The following KMT2D variants were observed in gnomAD, a reference collection of about 807,000 sequenced individuals.
KMT2D encodes the protein lysine methyltransferase 2D.
In KMT2D, 55 loss-of-function variants were observed where a neutral mutation model predicts 512.7. The ratio of observed to expected loss-of-function variants is 0.11; its 90% CI spans 0.09 to 0.13. The LOEUF (loss-of-function observed/expected upper bound fraction) is 0.13, where lower values mean the gene tolerates loss of function less well. Ranked by LOEUF, KMT2D falls within the 10% of genes least tolerant of loss-of-function variation. The pLI, the probability that KMT2D is intolerant of heterozygous loss-of-function variation, is 1.00. For missense variants in KMT2D, 6,061 were observed against 7,127.9 expected (o/e 0.85, Z 5.39); for synonymous variants, 2,995 against 2,904.0 (o/e 1.03, Z -1.01).
Position 49,038,371 on chromosome 12 carries a change from G to A in KMT2D, c.8985C>T (p.Asp2995=), listed in dbSNP as rs576463499. The A allele has an allele frequency of 4.4e-5, 71 of 1,613,828 alleles. 1 individual carries two copies. In the South Asian group the frequency reaches 6.5e-4, roughly 15 times the overall value. The change falls in exon 35 of 55, where the codon GAC becomes GAT. Residue 2995 remains aspartate, a synonymous_variant. Transcript: ENST00000301067. The surrounding 1 kb of genome is among the most constrained non-coding windows in gnomAD (Gnocchi z 5.7). The part of the protein sequence containing the change: ...KLPCEDPELD[D]DFDAHKALED... ...CTAGGGCCTTGTGGGCATCAAAATC[G>A]TCATCCAGCTCGGGATCCTCACAGG... is the stretch of plus-strand genomic sequence containing the variant.
chr12:49,027,411 G>T, intron 48 of KMT2D, 89 bp from the exon 49 acceptor site: 1 of 1,060,310 alleles, frequency 9.4e-7, no homozygotes, highest in Non-Finnish European at 1.3e-6. Context: ...CCTCCCAAAA[G>T]GCCTCCACAT....
Position 49,024,508 on chromosome 12 carries a change from C to T in KMT2D, c.16052+70G>A. The T allele has an allele frequency of 1.3e-6, 2 of 1,528,712 alleles. No homozygotes were observed. The highest frequency in any genetic ancestry group is 1.8e-6 in the Non-Finnish European group (2 of 1,137,286). The allele number at this position is 1,528,712 out of a possible 1,614,324, so 94.7% of individuals were successfully genotyped here. A position where few individuals can be genotyped will look rare whatever the true frequency, so the allele number is the denominator to read the frequency against. On this transcript the variant is annotated intron_variant, in intron 51 of 54. Coordinates refer to ENST00000301067, the MANE Select transcript of KMT2D (RefSeq NM_003482.4). This position sits in a 1 kb window ranked among gnomAD's most constrained non-coding sequence, Gnocchi z 4.5. ...AACTCTGATCTGTATCCTAAATCCT[C>T]ATAATGGGACCAGAGGATCCCTGTC...
chr12:49,055,518 T>C (rs1417407301), intron 1 of KMT2D, among the ~76,000 whole-genome samples, 157 bp from the exon 2 acceptor site: 3 of 152,196 alleles, frequency 2.0e-5, no homozygotes, highest in African/African-American at 7.2e-5. Flanking sequence ...CTCCCTAACC[T>C]GTAGGGTCAC....
rs1406785826 is a variant in KMT2D, at chr12:49,042,344, G to A, written c.5868-14C>T. On this transcript the variant is annotated splice_polypyrimidine_tract_variant and intron_variant, in intron 28 of 54. Transcript: ENST00000301067. This position sits in a 1 kb window ranked among gnomAD's most constrained non-coding sequence, Gnocchi z 4.4. ...CCCCCGCGCTCCCTGGGGCGCAGGG[G>A]CAGAGAGTCACAGGGCGCAGGGATG... 1 of 1,514,958 alleles carries A rather than the reference G, an allele frequency of 6.6e-7. No homozygotes were observed. The highest frequency in any genetic ancestry group is 8.8e-7 in the Non-Finnish European group (1 of 1,131,040). 93.8% of individuals were successfully genotyped at this position (1,514,958 alleles called of 1,614,324 possible).
rs1182609159 is a variant in KMT2D, at chr12:49,024,027, G to C, written c.16052+551C>G. 1 of 451,868 alleles carries C rather than the reference G, an allele frequency of 2.2e-6. No individual in the cohort carries two copies. Among genetic ancestry groups the C allele is most frequent in the East Asian group, 7.0e-5 (1 of 14,360 alleles). 28.0% of individuals were successfully genotyped at this position (451,868 alleles called of 1,614,324 possible). On this transcript the variant is annotated intron_variant, in intron 51 of 54. Transcript: ENST00000301067. The surrounding 1 kb of genome is among the most constrained non-coding windows in gnomAD (Gnocchi z 4.5). ...TCTCAGTTTTCTCAGCTGTAAAATG[G>C]GGGTCATACCACCTGCCCTACCTAC...
chr12:49,040,832 C>T lies in KMT2D; in HGVS notation c.6938G>A (p.Gly2313Asp), dbSNP rs1943480564. 1.2e-6 allele frequency: 2 copies of T among 1,613,724 alleles called. No homozygotes were observed. The highest frequency in any genetic ancestry group is 2.2e-5 in the South Asian group (2 of 91,080). The change falls in exon 32 of 55, where the codon GGC becomes GAC. Residue 2313 changes from glycine (G) to aspartate (D), a missense_variant. Physicochemically the swap from Gly to Asp is moderately conservative, Grantham distance 94. Around this residue, in one of 16 missense-constraint regions of KMT2D, gnomAD observed 710 missense variants for 647.3 expected, o/e 1.10. Transcript: ENST00000301067. ...NLGFVDSPSS[G>D]THLGGLELKT... ...TAACTCCAGGCCACCCAGGTGGGTG[C>T]CTGAGGAGGGTGAGTCAACAAAGCC...
Position 49,044,608 on chromosome 12 carries a change from A to G in KMT2D, c.4964-86T>C. On this transcript the variant is annotated intron_variant, in intron 20 of 54. Coordinates refer to ENST00000301067, the MANE Select transcript of KMT2D (RefSeq NM_003482.4). The surrounding 1 kb of genome is among the most constrained non-coding windows in gnomAD (Gnocchi z 6.4). The stretch of plus-strand genomic sequence containing the variant: ...CATCCTGCCACTGAGAGAGCTGAAT[A>G]CCTTGCCTCAGAGCCACTTAGACGA... The G allele has an allele frequency of 6.4e-7, 1 of 1,572,640 alleles. No individual in the cohort carries two copies. The highest frequency in any genetic ancestry group is 8.6e-7 in the Non-Finnish European group (1 of 1,157,206).
Position 49,050,150 on chromosome 12 carries a change from A to G in KMT2D, c.3438T>C (p.Ser1146=), listed in dbSNP as rs2120646336. The change falls in exon 12 of 55, where the codon AGT becomes AGC. Residue 1146 remains serine (S), a synonymous_variant. Coordinates refer to ENST00000301067, the MANE Select transcript of KMT2D (RefSeq NM_003482.4). ...EPGQTPGSLA[S]ELKGSPVLLD... ...GGAGCACAGGGGAGCCTTTAAGTTC[A>G]CTAGCCAAACTGCCAGGGGTCTGTC... 6.2e-7 allele frequency: 1 copy of G among 1,613,500 alleles called. No homozygotes were observed. Among genetic ancestry groups the G allele is most frequent in the Non-Finnish European group, 8.5e-7 (1 of 1,179,796 alleles).
intron 35 of KMT2D, 57 bp downstream of exon 35, chr12:49,037,067 AT>A (rs1943256260): frequency 6.6e-7 from 1 of 1,517,582 alleles, no homozygotes; most frequent in African/African-American, 1.4e-5. Flanking sequence ...CTCAGTGCCC[AT>A]TTAGGGATAA....
At chr12:49,057,669 C>T (rs1208392582) in intron 1 of KMT2D, among the ~76,000 whole-genome samples, 1 of 152,224 alleles carries the variant, frequency 6.6e-6, no homozygotes, top group Non-Finnish European at 1.5e-5. Flanking sequence ...CAGTCCAGCA[C>T]AGGGATCCCA....
Position 49,019,277 on chromosome 12 carries a change from T to A in KMT2D, c.*2503A>T. ...ATTTATTTTTTAAAAAGGGGGAGGG[T>A]CCTGGAGGTGAGGGGAGAAGACTGT... On this transcript the variant is annotated 3_prime_UTR_variant, in exon 55 of 55. Coordinates refer to ENST00000301067, the MANE Select transcript of KMT2D (RefSeq NM_003482.4). The A allele has an allele frequency of 1.7e-6, 1 of 599,968 alleles. No individual in the cohort carries two copies. Among genetic ancestry groups the A allele is most frequent in the Non-Finnish European group, 2.1e-6 (1 of 465,386 alleles). 37.2% of individuals were successfully genotyped at this position (599,968 alleles called of 1,614,324 possible). A position where few individuals can be genotyped will look rare whatever the true frequency, so the allele number is the denominator to read the frequency against.
intron 19 of KMT2D, 78 bp from the exon 20 acceptor site, chr12:49,045,043 C>T: frequency 7.3e-7 from 1 of 1,371,936 alleles, no homozygotes. Context: ...AACCTATGTC[C>T]TTAGCTGAGA....
chr12:49,034,306 AAAG>A lies in KMT2D; in HGVS notation c.10508-10_10508-8del. 1 of 1,611,272 alleles carries A rather than the reference AAAG, an allele frequency of 6.2e-7. No homozygotes were observed. Among genetic ancestry groups the A allele is most frequent in the Non-Finnish European group, 8.5e-7 (1 of 1,177,618 alleles). Reference sequence around the variant, plus strand: ...TGCCGCTGGTCAGCTTCATCTGGGAAAAGAAGCTGGGTGTCAGGACCTGCAAAA... The same window carrying A: ...TGCCGCTGGTCAGCTTCATCTGGGAAAAGCTGGGTGTCAGGACCTGCAAAA... On this transcript the variant is annotated splice_polypyrimidine_tract_variant and splice_region_variant and intron_variant, in intron 38 of 54. Transcript: ENST00000301067.
rs766732127 is a variant in KMT2D, at chr12:49,039,907, G to C, written c.7863C>G (p.Pro2621=). 2.2e-5 allele frequency: 35 copies of C among 1,613,902 alleles called. No individual in the cohort carries two copies. The highest frequency in any genetic ancestry group is 3.0e-5 in the Non-Finnish European group (35 of 1,179,894). Residue 2621 remains proline (P), a synonymous_variant, in exon 32 of 55, where the codon CCC becomes CCG. Transcript: ENST00000301067. This position sits in a 1 kb window ranked among gnomAD's most constrained non-coding sequence, Gnocchi z 5.0. ...GGGACAGGTAGGGGAGGGATCCGTC[G>C]GGTGCAGGTGGTGGCAGAACCGACG... is the stretch of plus-strand genomic sequence containing the variant. The part of the protein sequence containing the change: ...RPPSVLPPPA[P]DGSLPYLSHG...
rs2120544519 is a variant in KMT2D, at chr12:49,041,289, G to T, written c.6481C>A (p.Leu2161Ile). Residue 2161 changes from leucine to isoleucine, a missense_variant, in exon 32 of 55, where the codon CTC becomes ATC. Transcript: ENST00000301067. This position sits in a 1 kb window ranked among gnomAD's most constrained non-coding sequence, Gnocchi z 5.4. ...GCGGGCACCTGGGGTGGGAGCTTGA[G>T]GAAGAGCTCACCAGGCGAGTCAGGG... ...PGPDSPGELF[L>I]KLPPQVPAQV... is the part of the protein sequence containing the mutation. 6.6e-7 allele frequency: 1 copy of T among 1,524,550 alleles called. No individual in the cohort carries two copies. The highest frequency in any genetic ancestry group is 8.8e-7 in the Non-Finnish European group (1 of 1,139,296). 94.4% of individuals were successfully genotyped at this position (1,524,550 alleles called of 1,614,324 possible). A position where few individuals can be genotyped will look rare whatever the true frequency, so the allele number is the denominator to read the frequency against.
rs1322133281 is a variant in KMT2D, at chr12:49,032,201, T to C, written c.12504A>G (p.Thr4168=). 3.1e-6 allele frequency: 5 copies of C among 1,612,704 alleles called. No homozygotes were observed. The highest frequency in any genetic ancestry group is 2.2e-5 in the East Asian group (1 of 44,822). The change falls in exon 40 of 55, where the codon ACA becomes ACG. Residue 4168 remains threonine, a synonymous_variant. Coordinates refer to ENST00000301067, the MANE Select transcript of KMT2D (RefSeq NM_003482.4). ...GTCCTGGTTTGGGAGGTTGTGGCCC[T>C]GTATTATTTTGCATGGGCCGCTCTA... ...PMLERPMQNN[T]GPQPPKPGPV...
Position 49,038,592 on chromosome 12 carries a change from G to A in KMT2D, c.8764C>T (p.Arg2922Trp), listed in dbSNP as rs751964761. 68 of 1,612,578 alleles carry A rather than the reference G, an allele frequency of 4.2e-5. No individual in the cohort carries two copies. The highest frequency in any genetic ancestry group is 5.0e-5 in the Non-Finnish European group (59 of 1,179,358). Residue 2922 changes from arginine (R) to tryptophan (W), a missense_variant, in exon 35 of 55, where the codon CGG becomes TGG. Coordinates refer to ENST00000301067, the MANE Select transcript of KMT2D (RefSeq NM_003482.4). This position sits in a 1 kb window ranked among gnomAD's most constrained non-coding sequence, Gnocchi z 5.7. ...GGAAGACCTGATACCGCCAGGCCCC[G>A]AAGCCCTTCAGGAGCCAGTCGGTGG... is the stretch of plus-strand genomic sequence containing the variant. ...DPHRLAPEGLRGLAVSGLPPQ... is the reference protein window; with the variant it reads ...DPHRLAPEGLWGLAVSGLPPQ...
rs150012622 is a variant in KMT2D at position 49,031,090 on chromosome 12, TTCTG to T, written c.13531-61_13531-58del. On this transcript the variant is annotated intron_variant, in intron 40 of 54. Coordinates refer to ENST00000301067, the MANE Select transcript of KMT2D (RefSeq NM_003482.4). ...CCCTCCTCCTCAGAGCCCTCATCTC[TTCTG>T]TCTGACCCAGGCTCACTCATTCTGC... 116,399 of 1,612,032 alleles carry T rather than the reference TTCTG, an allele frequency of 0.072. 4,910 individuals carry two copies. The highest frequency in any genetic ancestry group is 0.086 in the Non-Finnish European group (101,626 of 1,179,662).
At chr12:49,048,841 T>C (rs1342973275) in intron 13 of KMT2D, 72 bp from the exon 14 acceptor site, 4 of 1,043,558 alleles carry the variant, frequency 3.8e-6, no homozygotes, top group East Asian at 2.4e-5. Flanking sequence ...CTCTTTGGTG[T>C]TGGGGGAAGA....
Sources: gnomAD v4.1 joint callset for allele counts (sites outside exome capture counted in the v4.1 genomes callset) on GRCh38, gnomAD v4.1.1 for gene constraint, gnomAD v4.1.1 regional missense constraint, Gnocchi (gnomAD v3.1) non-coding constraint, MANE v1.5 for transcripts, NCBI Gene and HGNC (gene_info 2026-07-23, HGNC 2026-07-21) for gene names.